MACROD2: variants seen among roughly 807,000 people sequenced by gnomAD.
The protein encoded by MACROD2 is mono-ADP ribosylhydrolase 2.
Under a neutral mutation model 70.4 loss-of-function variants are expected in MACROD2, and 36 were observed. That is an observed-to-expected ratio of 0.51 (90% CI 0.39 to 0.68). MACROD2 has a LOEUF of 0.68. Ranked by LOEUF, MACROD2 falls within the 30% of genes least tolerant of loss-of-function variation. The pLI, the probability that MACROD2 is intolerant of heterozygous loss-of-function variation, is 0.00. For missense variants in MACROD2, 496 were observed against 538.4 expected (o/e 0.92, Z 0.78); for synonymous variants, 172 against 178.8 (o/e 0.96, Z 0.30).
At chr20:15,972,004 T>C (rs779050272) in intron 13 of MACROD2, among the ~76,000 whole-genome samples, 3 of 152,200 alleles carry the variant, frequency 2.0e-5, no homozygotes, top group Non-Finnish European at 4.4e-5. Context: ...GGACTGACCA[T>C]GTTAATTCGA....
intron 3 of MACROD2, among the ~76,000 whole-genome samples, chr20:14,489,837 GA>G (rs955129204): frequency 1.4e-5 from 2 of 147,014 alleles, no homozygotes; most frequent in Non-Finnish European, 3.0e-5. Context: ...TGGGCAAAAA[GA>G]AAAAAAATAT....
intron 6 of MACROD2, among the ~76,000 whole-genome samples, chr20:15,392,058 G>A (rs1254667244): frequency 6.6e-6 from 1 of 152,066 alleles, no homozygotes; most frequent in Non-Finnish European, 1.5e-5. Flanking sequence ...ATGGAAATGG[G>A]AAGCAAAGAG....
At chr20:14,775,514 G>A (rs897769269) in intron 5 of MACROD2, among the ~76,000 whole-genome samples, 4 of 151,890 alleles carry the variant, frequency 2.6e-5, no homozygotes, top group East Asian at 1.9e-4. Context: ...CAATTCCCAC[G>A]TGAACTAGCA....
At chr20:15,310,940 G>A (rs144734203) in intron 6 of MACROD2, among the ~76,000 whole-genome samples, 3 of 152,202 alleles carry the variant, frequency 2.0e-5, no homozygotes, top group East Asian at 3.9e-4. Context: ...TTTTAATAAA[G>A]AATGACCAAT....
At chr20:14,371,873 T>C (rs2083327365) in intron 3 of MACROD2, among the ~76,000 whole-genome samples, 1 of 152,078 alleles carries the variant, frequency 6.6e-6, no homozygotes, top group Admixed American at 6.6e-5. Flanking sequence ...CTTCAGATTT[T>C]AGCTCAGGCA....
intron 3 of MACROD2, among the ~76,000 whole-genome samples, chr20:14,193,266 G>A (rs2081402734): frequency 6.6e-6 from 1 of 152,146 alleles, no homozygotes; most frequent in Non-Finnish European, 1.5e-5. Context: ...CAGAGCCAGG[G>A]ATAGAAGAAG....
chr20:15,398,878 G>A (rs1367264906), intron 6 of MACROD2, among the ~76,000 whole-genome samples: 1 of 152,120 alleles, frequency 6.6e-6, no homozygotes, highest in Non-Finnish European at 1.5e-5. Flanking sequence ...GTGCAGTGGT[G>A]TAATCGTACC....
intron 7 of MACROD2, among the ~76,000 whole-genome samples, chr20:15,495,492 A>G (rs939627904): frequency 6.6e-6 from 1 of 152,192 alleles, no homozygotes; most frequent in East Asian, 1.9e-4. Flanking sequence ...GAATATAACA[A>G]TCTGTTGAGT....
chr20:14,937,390 T>A (rs916129629), intron 5 of MACROD2, among the ~76,000 whole-genome samples: 5 of 152,058 alleles, frequency 3.3e-5, no homozygotes, highest in African/African-American at 1.2e-4. Flanking sequence ...GTGAAAGGTT[T>A]TTTTTCATAA....
intron 5 of MACROD2, among the ~76,000 whole-genome samples, chr20:15,115,130 T>C (rs2075982835): frequency 6.6e-6 from 1 of 152,230 alleles, no homozygotes; most frequent in Non-Finnish European, 1.5e-5. Context: ...GAATCTATTC[T>C]ATTTGTTGCA....
At chr20:15,382,984 T>C (rs2045664201) in intron 6 of MACROD2, among the ~76,000 whole-genome samples, 1 of 152,210 alleles carries the variant, frequency 6.6e-6, no homozygotes, top group South Asian at 2.1e-4. Context: ...TAGATTTTTA[T>C]TTTCATGTGC....
chr20:15,986,488 G>A (rs1420993490), intron 13 of MACROD2, among the ~76,000 whole-genome samples: 1 of 152,132 alleles, frequency 6.6e-6, no homozygotes, highest in African/African-American at 2.4e-5. Context: ...AGCTAAGTAA[G>A]TATGCCAATT....
intron 6 of MACROD2, among the ~76,000 whole-genome samples, chr20:15,336,726 C>T (rs2078052657): frequency 6.6e-6 from 1 of 151,708 alleles, no homozygotes; most frequent in Non-Finnish European, 1.5e-5. Flanking sequence ...GTCAGCGTGG[C>T]ATCTTTCTTC....
intron 15 of MACROD2, among the ~76,000 whole-genome samples, chr20:16,038,045 CT>C (rs57617707): frequency 0.11 from 15,717 of 146,574 alleles, 1,121 homozygotes; most frequent in African/African-American, 0.2. Context: ...ATTTGAAAAT[CT>C]TTTTTTTTTT....
intron 3 of MACROD2, among the ~76,000 whole-genome samples, chr20:14,136,093 A>G (rs1462296355): frequency 1.3e-5 from 2 of 152,230 alleles, no homozygotes; most frequent in African/African-American, 4.8e-5. Flanking sequence ...TCTAAGGATT[A>G]TACAAAAATG....
At chr20:14,387,760 T>C (rs1169712000) in intron 3 of MACROD2, among the ~76,000 whole-genome samples, 4 of 152,220 alleles carry the variant, frequency 2.6e-5, no homozygotes, top group African/African-American at 4.8e-5. Context: ...CCAAAATTCA[T>C]TGAAATTTGC....
chr20:15,367,066 T>G (rs1416826428), intron 6 of MACROD2, among the ~76,000 whole-genome samples: 1 of 151,684 alleles, frequency 6.6e-6, no homozygotes, highest in Non-Finnish European at 1.5e-5. Context: ...CTCACTCTGT[T>G]GCCCAGGCTG....
At chr20:14,403,604 G>C (rs937055492) in intron 3 of MACROD2, among the ~76,000 whole-genome samples, 1 of 152,124 alleles carries the variant, frequency 6.6e-6, no homozygotes, top group Non-Finnish European at 1.5e-5. Flanking sequence ...ATACAAAGCA[G>C]AAATTTTGTT....
At chr20:15,115,000 A>G (rs2075981928) in intron 5 of MACROD2, among the ~76,000 whole-genome samples, 1 of 152,120 alleles carries the variant, frequency 6.6e-6, no homozygotes, top group Non-Finnish European at 1.5e-5. Flanking sequence ...TCTTGCTACC[A>G]ATTCTCCTAG....
Sources: gnomAD v4.1 joint callset for allele counts (sites outside exome capture counted in the v4.1 genomes callset) on GRCh38, gnomAD v4.1.1 for gene constraint, MANE v1.5 for transcripts, NCBI Gene and HGNC (gene_info 2026-07-23, HGNC 2026-07-21) for gene names.